The following USH2A variants were observed in gnomAD, a reference collection of about 807,000 sequenced individuals.
USH2A encodes the protein Usher syndrome 2A (autosomal recessive, mild).
Under a neutral mutation model 538.9 loss-of-function variants are expected in USH2A, and 443 were observed. The observed-to-expected ratio is 0.82, with a 90% CI of 0.76 to 0.89. The LOEUF is 0.89. USH2A is among the 40% of genes least tolerant of loss of function. The pLI is 0.00. For synonymous variants in USH2A, 2,413 were observed against 2,273.5 expected, an observed-to-expected ratio of 1.06 and a Z score of -1.75; for missense variants, 6,633 against 6,324.8, an observed-to-expected ratio of 1.05 and a Z score of -1.65.
chr1:215,634,826 T>A, intron 69 of USH2A, 123 bp from the exon 70 acceptor site: 1 of 1,526,392 alleles, frequency 6.6e-7, no homozygotes, highest in Non-Finnish European at 9.0e-7. Flanking sequence ...TGTCTCTTAC[T>A]GCTTGTTTGC....
intron 47 of USH2A, among the ~76,000 whole-genome samples, chr1:215,822,657 T>C (rs937012595): frequency 2.0e-5 from 3 of 152,078 alleles, no homozygotes; most frequent in East Asian, 3.9e-4. Context: ...CAGTATTGTG[T>C]TGAATAAAAG....
chr1:216,151,825 G>A (rs2033841302), intron 21 of USH2A, among the ~76,000 whole-genome samples: 2 of 152,174 alleles, frequency 1.3e-5, no homozygotes, highest in Non-Finnish European at 1.5e-5. Flanking sequence ...TAATTACGCT[G>A]AACCCCCTTG....
intron 47 of USH2A, 23 bp downstream of exon 47, chr1:215,837,968 T>C: frequency 2.5e-6 from 4 of 1,575,598 alleles, no homozygotes; most frequent in Non-Finnish European, 3.5e-6. Flanking sequence ...TTCCTTAGAT[T>C]TAACTGACAC....
At chr1:215,639,329 G>A (rs1226223092) in intron 68 of USH2A, 91 bp from the exon 69 acceptor site, 10 of 1,213,242 alleles carry the variant, frequency 8.2e-6, no homozygotes, top group Admixed American at 1.7e-5. Flanking sequence ...ATCATAGCAT[G>A]AAAAATAGGA....
intron 11 of USH2A, among the ~76,000 whole-genome samples, chr1:216,254,104 G>T (rs1000851221): frequency 6.6e-6 from 1 of 151,878 alleles, no homozygotes; most frequent in African/African-American, 2.4e-5. Flanking sequence ...TATGAACTCT[G>T]CCACAAATTA....
intron 35 of USH2A, among the ~76,000 whole-genome samples, chr1:215,984,235 A>G (rs1361442147): frequency 1.3e-5 from 2 of 152,238 alleles, no homozygotes; most frequent in African/African-American, 2.4e-5. Flanking sequence ...ATTGTACCAT[A>G]TTGTATTTTT....
chr1:216,076,538 A>T (rs2031758045), intron 27 of USH2A, among the ~76,000 whole-genome samples: 1 of 151,892 alleles, frequency 6.6e-6, no homozygotes, highest in Admixed American at 6.6e-5. Flanking sequence ...TTTTTCCCAG[A>T]AGCAAACAGG....
At chr1:215,725,700 G>A (rs57559186) in intron 61 of USH2A, among the ~76,000 whole-genome samples, 6,120 of 152,124 alleles carry the variant, frequency 0.04, 373 homozygotes, top group African/African-American at 0.13. Context: ...ATTCGACATT[G>A]CAAGAAAAAA....
At chr1:215,765,009 A>G (rs1052182487) in intron 56 of USH2A, among the ~76,000 whole-genome samples, 1 of 152,104 alleles carries the variant, frequency 6.6e-6, no homozygotes, top group Admixed American at 6.6e-5. Context: ...GGCATTTCTC[A>G]TATCACATTA....
intron 21 of USH2A, among the ~76,000 whole-genome samples, chr1:216,132,052 T>C (rs967110088): frequency 6.6e-6 from 1 of 152,016 alleles, no homozygotes; most frequent in East Asian, 1.9e-4. Flanking sequence ...CACATGCTCT[T>C]GAGTCCAAGT....
At chr1:216,139,131 T>G (rs2033547427) in intron 21 of USH2A, among the ~76,000 whole-genome samples, 1 of 152,108 alleles carries the variant, frequency 6.6e-6, no homozygotes, top group Non-Finnish European at 1.5e-5. Flanking sequence ...TCTTTCATCC[T>G]CTCAGCTTCA....
intron 61 of USH2A, among the ~76,000 whole-genome samples, chr1:215,693,092 A>ATATATATG (rs371000210): frequency 4.6e-5 from 6 of 131,680 alleles, no homozygotes; most frequent in Admixed American, 1.6e-4. Context: ...ATATATATAT[A>ATATATATG]TGTGTGTGTG....
chr1:215,770,686 G>A (rs1411855875), intron 55 of USH2A, among the ~76,000 whole-genome samples: 1 of 152,046 alleles, frequency 6.6e-6, no homozygotes, highest in Non-Finnish European at 1.5e-5. Flanking sequence ...TGCACTTCAT[G>A]GGTGTTAATA....
Position 215,728,234 on chromosome 1 carries a change from C to G in USH2A, c.11862G>C (p.Leu3954=), listed in dbSNP as rs1486960561. 6.2e-7 allele frequency: 1 copy of G among 1,614,186 alleles called. No individual in the cohort carries two copies. The highest frequency in any genetic ancestry group is 8.5e-7 in the Non-Finnish European group (1 of 1,180,046). ...CTTCCAGAGTTTGTGTTAATGACCA[C>G]AGACTCTCCACTGAACCCTTGGAGT... ...ACNSKGSVES[L]WSLTQTLEAP... is the part of the protein sequence containing the mutation. The change falls in exon 61 of 72, where the codon CTG becomes CTC. Residue 3954 remains leucine (L), a synonymous_variant. Transcript: ENST00000307340.
At chr1:216,223,856 A>T (rs888187141) in intron 14 of USH2A, among the ~76,000 whole-genome samples, 2 of 152,226 alleles carry the variant, frequency 1.3e-5, no homozygotes, top group African/African-American at 2.4e-5. Context: ...ATTGAGATCA[A>T]TCGGATAAAG....
At chr1:215,998,092 A>C (rs1668179343) in intron 34 of USH2A, among the ~76,000 whole-genome samples, 1 of 152,134 alleles carries the variant, frequency 6.6e-6, no homozygotes, top group Non-Finnish European at 1.5e-5. Context: ...AATCAAGAGC[A>C]GAATATTTTC....
Position 216,135,160 on chromosome 1 carries a change from TCTCTCTCACACACACACATA to T in USH2A, c.4628-37967_4628-37948del, listed in dbSNP as rs1488234602. ...CTCTCTCTCTCTCTCTCTCTCTCTC[TCTCTCTCACACACACACATA>T]CACACACACACACACACACACACAA... On this transcript the variant is annotated intron_variant, in intron 21 of 71. Coordinates refer to ENST00000307340, the MANE Select transcript of USH2A (RefSeq NM_206933.4). 3.2e-4 allele frequency among the ~76,000 whole-genome samples: 35 copies of T among 108,396 alleles called. No individual in the cohort carries two copies. In the South Asian group the frequency reaches 6.2e-3, roughly 19 times the overall value. The allele number at this position is 108,396 out of a possible 152,430, so 71.1% of individuals were successfully genotyped here.
intron 61 of USH2A, among the ~76,000 whole-genome samples, chr1:215,710,347 C>G (rs1052591261): frequency 6.6e-6 from 1 of 152,160 alleles, no homozygotes; most frequent in South Asian, 2.1e-4. Context: ...ACATGAAATG[C>G]TCAGATGTAT....
chr1:216,186,125 A>AT, intron 20 of USH2A, among the ~76,000 whole-genome samples: 1 of 151,928 alleles, frequency 6.6e-6, no homozygotes, highest in Admixed American at 6.6e-5. Context: ...ACTAAAATAA[A>AT]TTTTTCTTTA....
Sources: allele counts gnomAD v4.1 joint callset (sites outside exome capture counted in the v4.1 genomes callset), GRCh38; gene constraint gnomAD v4.1.1; transcripts MANE v1.5; gene names NCBI Gene and HGNC (gene_info 2026-07-23, HGNC 2026-07-21).